DNAJC22: variants seen among roughly 807,000 people sequenced by gnomAD.
The protein encoded by DNAJC22 is dnaJ homolog subfamily C member 22.
A neutral mutation model predicts 22.2 loss-of-function variants in DNAJC22; 24 were observed. The ratio of observed to expected loss-of-function variants is 1.08; its 90% confidence interval spans 0.78 to 1.52. DNAJC22 has a LOEUF of 1.52. Among genes scored for constraint, DNAJC22 ranks in the 40% most tolerant of loss-of-function variants. The pLI is 0.00. For missense variants in DNAJC22, 434 were observed against 421.7 expected, an observed-to-expected ratio of 1.03 and a Z score of -0.26; for synonymous variants, 160 against 167.4, an observed-to-expected ratio of 0.96 and a Z score of 0.34.
At position 49,349,413 on chromosome 12, in the gene DNAJC22, C is replaced by T. The variant is rs770113965; in HGVS notation, c.541C>T (p.Arg181Trp). 3.0e-5 allele frequency: 49 copies of T among 1,611,564 alleles called. No homozygotes were observed. The highest frequency in any genetic ancestry group is 7.7e-5 in the South Asian group (7 of 90,704). ...GGTGGCATCAGAGCCGCTCAGTGTG[C>T]GGCTCTATCGTCTGGGCTTGGCTTA... ...ALVASEPLSV[R>W]LYRLGLAYLA... The change falls in exon 3 of 4, where the codon CGG (arginine) becomes TGG (tryptophan). Residue 181 changes from arginine to tryptophan, a missense_variant. Coordinates refer to ENST00000549441, the MANE Select transcript of DNAJC22 (RefSeq NM_001304944.2).
rs1310996086 is a variant in DNAJC22 at position 49,351,388 on chromosome 12, G to A, written c.912G>A (p.Trp304Ter). The change falls in exon 4 of 4, where the codon TGG (tryptophan) becomes TGA (stop). Residue 304 changes from tryptophan (W) to a stop codon, truncating the protein, a stop_gained. Coordinates refer to ENST00000549441, the MANE Select transcript of DNAJC22 (RefSeq NM_001304944.2). LOFTEE classifies it high-confidence loss of function. ...HRSYQELVKVWHPDHNLDQTE... is the reference protein window; with the variant it reads ...HRSYQELVKV ...GTTACCAGGAGCTAGTGAAGGTCTG[G>A]CACCCAGACCACAACCTGGACCAGA... The A allele has an allele frequency of 2.5e-6, 4 of 1,613,532 alleles. No individual in the cohort carries two copies. The highest frequency in any genetic ancestry group is 3.4e-6 in the Non-Finnish European group (4 of 1,179,738).
At chr12:49,350,494 C>CTTT (rs57468642) in intron 3 of DNAJC22, among the ~76,000 whole-genome samples, 59 of 108,454 alleles carry the variant, frequency 5.4e-4, no homozygotes, top group Non-Finnish European at 6.7e-4. Flanking sequence ...CCTCTTGATT[C>CTTT]TTTTTTTTTT....
chr12:49,350,561 C>T lies in DNAJC22; in HGVS notation c.841-756C>T, dbSNP rs564357798. The stretch of plus-strand genomic sequence containing the variant: ...TTGCCTAGGCTGGAGTGCAATGGCG[C>T]GATCTCAGCTCACTGCAACCTCTGC... On this transcript the variant is annotated intron_variant, in intron 3 of 3. Transcript: ENST00000549441. Among the ~76,000 whole-genome samples the T allele has an allele frequency of 2.1e-5, 3 of 143,278 alleles. No homozygotes were observed. In the East Asian group the frequency reaches 6.2e-4, roughly 30 times the overall value. The allele number at this position is 143,278 out of a possible 152,430, so 94.0% of individuals were successfully genotyped here.
Position 49,353,210 on chromosome 12 carries a change from T to C in DNAJC22, c.*1708T>C, listed in dbSNP as rs755203999. 4 of 152,268 alleles carry C rather than the reference T, an allele frequency of 2.6e-5. No homozygotes were observed. The highest frequency in any genetic ancestry group is 2.9e-5 in the Non-Finnish European group (2 of 68,012). 9.4% of individuals were successfully genotyped at this position (152,268 alleles called of 1,614,324 possible). On this transcript the variant is annotated 3_prime_UTR_variant, in exon 4 of 4. Coordinates refer to ENST00000549441, the MANE Select transcript of DNAJC22 (RefSeq NM_001304944.2). ...AAAGAAAGGGCCCAGGGTGTCTCAC[T>C]TTGCAGAGGAAGATTGGAGACCAGG...
chr12:49,351,360 G>A lies in DNAJC22; in HGVS notation c.884G>A (p.Arg295Gln), dbSNP rs201916155. The change falls in exon 4 of 4, where the codon CGG becomes CAG. Residue 295 changes from arginine (R) to glutamine (Q), a missense_variant. Physicochemically the swap from Arg to Gln is conservative, Grantham distance 43 (BLOSUM62 1). Coordinates refer to ENST00000549441, the MANE Select transcript of DNAJC22 (RefSeq NM_001304944.2). ...SEGATNEEIH[R>Q]SYQELVKVWH... is the part of the protein sequence containing the mutation. ...GGGGCAACAAATGAAGAAATACATC[G>A]GAGTTACCAGGAGCTAGTGAAGGTC... 5.6e-5 allele frequency: 90 copies of A among 1,613,632 alleles called. No homozygotes were observed. Among genetic ancestry groups the A allele is most frequent in the Non-Finnish European group, 6.9e-5 (81 of 1,179,758 alleles).
At chr12:49,349,972 C>A (rs1392799229) in intron 3 of DNAJC22, 4 of 753,144 alleles carry the variant, frequency 5.3e-6, no homozygotes, top group Non-Finnish European at 6.5e-6. Context: ...ACATTTCCAG[C>A]ACTAAGAAGT....
chr12:49,350,931 C>A (rs947888716), intron 3 of DNAJC22, among the ~76,000 whole-genome samples: 1 of 152,056 alleles, frequency 6.6e-6, no homozygotes, highest in Non-Finnish European at 1.5e-5. Flanking sequence ...TGGTTTGGGG[C>A]TATTATAAAT....
Position 49,347,977 on chromosome 12 carries a change from C to T in DNAJC22, c.-236C>T, listed in dbSNP as rs944228844. On this transcript the variant is annotated 5_prime_UTR_variant, in exon 2 of 4. Transcript: ENST00000549441. Reference sequence around the variant, plus strand: ...AGCCTGGCCTGGGGAAGCCGGACTTCCGTGACACAACAGACACAAAAGACA... The same window carrying T: ...AGCCTGGCCTGGGGAAGCCGGACTTTCGTGACACAACAGACACAAAAGACA... 6.6e-6 allele frequency: 1 copy of T among 152,376 alleles called. No individual in the cohort carries two copies. The highest frequency in any genetic ancestry group is 1.5e-5 in the Non-Finnish European group (1 of 68,140). The allele number at this position is 152,376 out of a possible 1,614,324, so 9.4% of individuals were successfully genotyped here. A position where few individuals can be genotyped will look rare whatever the true frequency, so the allele number is the denominator to read the frequency against.
chr12:49,349,343 G>A lies in DNAJC22; in HGVS notation c.471G>A (p.Val157=), dbSNP rs779646934. The A allele has an allele frequency of 6.2e-7, 1 of 1,609,426 alleles. No homozygotes were observed. The part of the protein sequence containing the change: ...GRPIAILPIS[V]AASITAQRHR... The stretch of plus-strand genomic sequence containing the variant: ...CCATAGCCATACTGCCCATTAGCGT[G>A]GCCGCCAGCATTACAGCTCAGAGGC... Residue 157 remains valine, a synonymous_variant, in exon 3 of 4, where the codon GTG becomes GTA. Transcript: ENST00000549441.
At position 49,351,551 on chromosome 12, in the gene DNAJC22, C is replaced by G; in HGVS notation, c.*49C>G. The G allele has an allele frequency of 6.7e-7, 1 of 1,484,218 alleles. No homozygotes were observed. The highest frequency in any genetic ancestry group is 8.9e-7 in the Non-Finnish European group (1 of 1,121,180). The allele number at this position is 1,484,218 out of a possible 1,614,324, so 91.9% of individuals were successfully genotyped here. On this transcript the variant is annotated 3_prime_UTR_variant, in exon 4 of 4. Transcript: ENST00000549441. ...GACTCTTCCTAGCAGAGCTGGGCAA[C>G]TTGTCCCAAATCTAGCTTTGCCCAC... is the stretch of plus-strand genomic sequence containing the variant.
Position 49,347,727 on chromosome 12 carries a change from A to G in DNAJC22, c.-486A>G, listed in dbSNP as rs1176473716. 6.6e-6 allele frequency: 1 copy of G among 152,312 alleles called. No homozygotes were observed. The highest frequency in any genetic ancestry group is 2.4e-5 in the African/African-American group (1 of 41,442). The allele number at this position is 152,312 out of a possible 1,614,324, so 9.4% of individuals were successfully genotyped here. A position where few individuals can be genotyped will look rare whatever the true frequency, so the allele number is the denominator to read the frequency against. ...TGTGCTGCTGTGCCTCGGTACCCGCACAAGGTGTCTGGGGACCGCCCGGAC... is the reference window on the plus strand; with the variant it reads ...TGTGCTGCTGTGCCTCGGTACCCGCGCAAGGTGTCTGGGGACCGCCCGGAC... On this transcript the variant is annotated 5_prime_UTR_variant, in exon 2 of 4. Transcript: ENST00000549441.
chr12:49,348,426 G>A (rs1243993529), intron 2 of DNAJC22, among the ~76,000 whole-genome samples: 1 of 152,230 alleles, frequency 6.6e-6, no homozygotes, highest in Non-Finnish European at 1.5e-5. Flanking sequence ...TGGGAGGGCA[G>A]CCACAGTTGG....
In DNAJC22 at chr12:49,351,705, C is replaced by T. The variant is rs1243045236; in HGVS notation, c.*203C>T. The T allele has an allele frequency of 1.5e-5, 6 of 404,814 alleles. No homozygotes were observed. Among genetic ancestry groups the T allele is most frequent in the East Asian group, 9.6e-5 (2 of 20,880 alleles). 25.1% of individuals were successfully genotyped at this position (404,814 alleles called of 1,614,324 possible). ...GAGGTCAGGAGTTCGAGACCAGCAG[C>T]CTGGCCAATATAGTGAAACTTCGTC... On this transcript the variant is annotated 3_prime_UTR_variant, in exon 4 of 4. Coordinates refer to ENST00000549441, the MANE Select transcript of DNAJC22 (RefSeq NM_001304944.2).
rs1052231961 is a variant in DNAJC22, at chr12:49,351,611, G to T, written c.*109G>T. 47 of 1,255,646 alleles carry T rather than the reference G, an allele frequency of 3.7e-5. No individual in the cohort carries two copies. The highest frequency in any genetic ancestry group is 4.8e-5 in the African/African-American group (3 of 63,076). The allele number at this position is 1,255,646 out of a possible 1,614,324, so 77.8% of individuals were successfully genotyped here. A position where few individuals can be genotyped will look rare whatever the true frequency, so the allele number is the denominator to read the frequency against. ...CCCAACAGAGTTAAAGAAACTGCTT[G>T]CAGGGGCTGGGCGTGGTGGCTCATG... On this transcript the variant is annotated 3_prime_UTR_variant, in exon 4 of 4. Coordinates refer to ENST00000549441, the MANE Select transcript of DNAJC22 (RefSeq NM_001304944.2).
At chr12:49,351,050 G>A (rs1404869295) in intron 3 of DNAJC22, 1 of 585,286 alleles carries the variant, frequency 1.7e-6, no homozygotes. Flanking sequence ...GTTGGAAAAT[G>A]GGCAGTTGTG....
chr12:49,349,857 T>G (rs2137093970), intron 3 of DNAJC22, 145 bp downstream of exon 3: 1 of 1,485,886 alleles, frequency 6.7e-7, no homozygotes, highest in Non-Finnish European at 8.9e-7. Context: ...TTACAGATGC[T>G]GTGAGTAGGA....
chr12:49,349,307 C>G lies in DNAJC22; in HGVS notation c.435C>G (p.Phe145Leu). ...LGSAFLTSPI[F>L]YGRPIAILPI... The stretch of plus-strand genomic sequence containing the variant: ...CAGCATTTCTCACTTCACCTATCTT[C>G]TATGGCCGCCCCATAGCCATACTGC... The change falls in exon 3 of 4, where the codon TTC (phenylalanine) becomes TTG (leucine). Residue 145 changes from phenylalanine (F) to leucine (L), a missense_variant. Physicochemically the swap from Phe to Leu is conservative, Grantham distance 22. Coordinates refer to ENST00000549441, the MANE Select transcript of DNAJC22 (RefSeq NM_001304944.2). 6.2e-7 allele frequency: 1 copy of G among 1,613,888 alleles called. No individual in the cohort carries two copies. The highest frequency in any genetic ancestry group is 8.5e-7 in the Non-Finnish European group (1 of 1,179,900).
At chr12:49,351,249 T>C in intron 3 of DNAJC22, 68 bp from the exon 4 acceptor site, 1 of 1,606,760 alleles carries the variant, frequency 6.2e-7, no homozygotes, top group Non-Finnish European at 8.5e-7. Flanking sequence ...TTAGCAAAGG[T>C]GCAAGGAGAG....
intron 3 of DNAJC22, chr12:49,349,940 C>T (rs892838236): frequency 1.2e-5 from 11 of 919,204 alleles, no homozygotes; most frequent in Non-Finnish European, 1.3e-5. Flanking sequence ...TTATGTATAC[C>T]TGACTCAGAT....
Sources: gnomAD v4.1 joint callset for allele counts (sites outside exome capture counted in the v4.1 genomes callset) on GRCh38, gnomAD v4.1.1 for gene constraint, MANE v1.5 for transcripts, NCBI Gene and HGNC (gene_info 2026-07-23, HGNC 2026-07-21) for gene names.